KRT35: variants seen among roughly 807,000 people sequenced by gnomAD.
KRT35 encodes the protein keratin, type I cuticular Ha5.
In KRT35, 33 loss-of-function variants were observed where a neutral mutation model predicts 42.2. The observed-to-expected ratio is 0.78, with a 90% CI of 0.59 to 1.05. KRT35 has a LOEUF of 1.05. KRT35 is among the 50% of genes least tolerant of loss of function. The probability of loss-of-function intolerance (pLI) is 0.00; values close to 1 mark genes in which losing one functional copy is unlikely to be tolerated. For synonymous variants in KRT35, 218 were observed against 238.2 expected (o/e 0.92, Z 0.78); for missense variants, 585 against 589.2 (o/e 0.99, Z 0.07).
In KRT35 at chr17:41,479,356, G is replaced by A; in HGVS notation, c.702C>T (p.Asn234=). 6.2e-7 allele frequency: 1 copy of A among 1,613,346 alleles called. No individual in the cohort carries two copies. The highest frequency in any genetic ancestry group is 8.5e-7 in the Non-Finnish European group (1 of 1,179,900). Residue 234 remains asparagine, a synonymous_variant, in exon 3 of 7, where the codon AAC becomes AAT. Transcript: ENST00000246639. ...TTTCCCCCATGCTCACCTCCTCATG[G>A]TTCTTCTTCAGGCAGAGCAGCTCCT... ...LKEELLCLKK[N]HEEEVNSLRC...
intron 2 of KRT35, 48 bp downstream of exon 2, chr17:41,479,651 T>A (rs765734763): frequency 1.3e-6 from 2 of 1,583,878 alleles, no homozygotes; most frequent in Non-Finnish European, 1.7e-6. Flanking sequence ...GCATCACCTG[T>A]GTCCAGTTCT....
Position 41,481,002 on chromosome 17 carries a change from G to A in KRT35, c.96C>T (p.Tyr32=), listed in dbSNP as rs775323065. 2.9e-5 allele frequency: 46 copies of A among 1,613,908 alleles called. 1 individual carries two copies. In the Admixed American group the frequency reaches 7.7e-4, roughly 27 times the overall value. The change falls in exon 1 of 7, where the codon TAC becomes TAT. Residue 32 remains tyrosine, a synonymous_variant. Transcript: ENST00000246639. ...SGGSTRVSAM[Y]SSSSCKLPSL... is the part of the protein sequence containing the mutation. ...TTGGAAGCTTGCAAGAGCTGCTGGA[G>A]TACATTGCGGACACACGAGTGGAGC...
Position 41,479,421 on chromosome 17 carries a change from A to G in KRT35, c.637T>C (p.Cys213Arg). 1 of 1,614,058 alleles carries G rather than the reference A, an allele frequency of 6.2e-7. No individual in the cohort carries two copies. The highest frequency in any genetic ancestry group is 8.5e-7 in the Non-Finnish European group (1 of 1,180,006). The change falls in exon 3 of 7, where the codon TGC becomes CGC. Residue 213 changes from cysteine (C) to arginine (R), a missense_variant. By Grantham distance (180) the Cys-to-Arg change is radical (BLOSUM62 -3). Transcript: ENST00000246639. ...LRRILDDLTLCKSDLEAQVES... is the reference protein window; with the variant it reads ...LRRILDDLTLRKSDLEAQVES... ...ACCTGGGCCTCCAGGTCAGACTTGC[A>G]CAGGGTCAGGTCATCCAGGATCCTG...
intron 1 of KRT35, 82 bp from the exon 2 acceptor site, chr17:41,479,863 C>G (rs1359953040): frequency 8.5e-7 from 1 of 1,178,150 alleles, no homozygotes; most frequent in Non-Finnish European, 1.3e-6. Context: ...AGGGCTGACT[C>G]TGGAAGGAGG....
In KRT35 at chr17:41,479,731, A is replaced by G. The variant is rs1455786288; in HGVS notation, c.522T>C (p.Asn174=). The change falls in exon 2 of 7, where the codon AAT becomes AAC. Residue 174 remains asparagine, a synonymous_variant. Coordinates refer to ENST00000246639, the MANE Select transcript of KRT35 (RefSeq NM_002280.6). The stretch of plus-strand genomic sequence containing the variant: ...TGAAGTCATCTGCAGCCAATTTGGC[A>G]TTGTCAATCTCCACCACCAGCCTGG... ...ENARLVVEID[N]AKLAADDFRT... 4 of 1,614,164 alleles carry G rather than the reference A, an allele frequency of 2.5e-6. No homozygotes were observed. Among genetic ancestry groups the G allele is most frequent in the Middle Eastern group, 1.7e-4 (1 of 6,052 alleles).
In KRT35 at chr17:41,481,009, G is replaced by T. The variant is rs781757077; in HGVS notation, c.89C>A (p.Ala30Glu). The T allele has an allele frequency of 6.2e-7, 1 of 1,613,950 alleles. No individual in the cohort carries two copies. The highest frequency in any genetic ancestry group is 1.1e-5 in the South Asian group (1 of 91,088). Reference sequence around the variant, plus strand: ...CTTGCAAGAGCTGCTGGAGTACATTGCGGACACACGAGTGGAGCCCCCACT... The same window carrying T: ...CTTGCAAGAGCTGCTGGAGTACATTTCGGACACACGAGTGGAGCCCCCACT... ...GASGGSTRVSAMYSSSSCKLP... is the reference protein window; with the variant it reads ...GASGGSTRVSEMYSSSSCKLP... Residue 30 changes from alanine to glutamate, a missense_variant, in exon 1 of 7, where the codon GCA becomes GAA. Coordinates refer to ENST00000246639, the MANE Select transcript of KRT35 (RefSeq NM_002280.6).
Position 41,478,850 on chromosome 17 carries a change from T to C in KRT35, c.857A>G (p.Asp286Gly). The C allele has an allele frequency of 1.2e-6, 2 of 1,613,590 alleles. No homozygotes were observed. The highest frequency in any genetic ancestry group is 8.5e-7 in the Non-Finnish European group (1 of 1,179,692). Residue 286 changes from aspartate (D) to glycine (G), a missense_variant, in exon 4 of 7, where the codon GAC (aspartate) becomes GGC (glycine). By Grantham distance (94) the Asp-to-Gly change is moderately conservative. Transcript: ENST00000246639. ...GGTACCTACCTGGGTGTCCAACCAG[T>C]CTTCAGCATCCCGGCGGTTATTCTC... ...LVENNRRDAE[D>G]WLDTQSEELN... is the part of the protein sequence containing the mutation.
At chr17:41,480,174 C>T (rs2019233585) in intron 1 of KRT35, among the ~76,000 whole-genome samples, 2 of 152,186 alleles carry the variant, frequency 1.3e-5, no homozygotes, top group South Asian at 4.1e-4. Context: ...TAACTTTGGG[C>T]CAGGCGAGAA....
At position 41,478,981 on chromosome 17, in the gene KRT35, C is replaced by T; in HGVS notation, c.726G>A (p.Leu242=). The T allele has an allele frequency of 1.9e-6, 3 of 1,613,214 alleles. No homozygotes were observed. The highest frequency in any genetic ancestry group is 2.5e-6 in the Non-Finnish European group (3 of 1,179,474). The change falls in exon 4 of 7, where the codon CTG becomes CTA. Residue 242 remains leucine (L), a synonymous_variant. Coordinates refer to ENST00000246639, the MANE Select transcript of KRT35 (RefSeq NM_002280.6). ...KKNHEEEVNS[L]RCQLGDRLNV... is the part of the protein sequence containing the mutation. Reference sequence around the variant, plus strand: ...TGAGGCGGTCACCAAGTTGGCAGCGCAGTGAGTTCACTTCCTATAGCACAG... The same window carrying T: ...TGAGGCGGTCACCAAGTTGGCAGCGTAGTGAGTTCACTTCCTATAGCACAG...
At chr17:41,477,267 T>A in intron 6 of KRT35, 64 bp from the exon 7 acceptor site, 1 of 1,572,080 alleles carries the variant, frequency 6.4e-7, no homozygotes, top group Non-Finnish European at 8.7e-7. Flanking sequence ...TCAAAGTAGA[T>A]CCTAGACTAT....
At chr17:41,478,761 T>C in intron 4 of KRT35, 73 bp downstream of exon 4, 1 of 1,449,734 alleles carries the variant, frequency 6.9e-7, no homozygotes. Flanking sequence ...GATTTCTTGA[T>C]TCAGAGCCCC....
In KRT35 at chr17:41,480,730, G is replaced by A. The variant is rs1311953008; in HGVS notation, c.368C>T (p.Ala123Val). 8 of 1,614,088 alleles carry A rather than the reference G, an allele frequency of 5.0e-6. No individual in the cohort carries two copies. Among genetic ancestry groups the A allele is most frequent in the Non-Finnish European group, 6.8e-6 (8 of 1,180,048 alleles). ...CTCACGGATGCGGCTCTCCAGGCTG[G>A]CGTTCTCCTGCTCCAGCTGACGCAC... is the stretch of plus-strand genomic sequence containing the variant. ...EKVRQLEQENASLESRIREWC... is the reference protein window; with the variant it reads ...EKVRQLEQENVSLESRIREWC... The change falls in exon 1 of 7, where the codon GCC becomes GTC. Residue 123 changes from alanine (A) to valine (V), a missense_variant. Ala to Val is a moderately conservative substitution (Grantham distance 64). Coordinates refer to ENST00000246639, the MANE Select transcript of KRT35 (RefSeq NM_002280.6).
In KRT35 at chr17:41,479,913, G is replaced by A. The variant is rs1163208951; in HGVS notation, c.472-132C>T. 1.3e-5 allele frequency: 9 copies of A among 698,542 alleles called. No homozygotes were observed. The Admixed American group carries it at 2.1e-4, about 16-fold the overall frequency. The allele number at this position is 698,542 out of a possible 1,614,324, so 43.3% of individuals were successfully genotyped here. ...AGACCTCTGCTACTCCATGTGCATT[G>A]GAGTGTTATGGGCAGGCTCTAGGGA... On this transcript the variant is annotated intron_variant, in intron 1 of 6. Transcript: ENST00000246639.
intron 3 of KRT35, 44 bp downstream of exon 3, chr17:41,479,303 A>G: frequency 6.6e-7 from 1 of 1,520,510 alleles, no homozygotes; most frequent in Non-Finnish European, 8.9e-7. Context: ...CTCCTCCCCC[A>G]TGCTCACCTG....
In KRT35 at chr17:41,477,575, G is replaced by T. The variant is rs202043478; in HGVS notation, c.1163C>A (p.Ala388Asp). 270 of 1,613,622 alleles carry T rather than the reference G, an allele frequency of 1.7e-4. No homozygotes were observed. The highest frequency in any genetic ancestry group is 2.2e-4 in the Non-Finnish European group (256 of 1,179,902). The change falls in exon 6 of 7, where the codon GCC becomes GAC. Residue 388 changes from alanine to aspartate, a missense_variant. Ala to Asp is a moderately radical substitution (Grantham distance 126). Transcript: ENST00000246639. ...QEYQVLLDVR[A>D]RLECEINTYR... The stretch of plus-strand genomic sequence containing the variant: ...CGTGTTGATCTCACACTCCAGCCGG[G>T]CCCGGACGTCCAGCAGCACCTGGTA...
At position 41,480,840 on chromosome 17, in the gene KRT35, GC is replaced by G. The variant is rs755641537; in HGVS notation, c.257del (p.Gly86AlafsTer19). On this transcript the variant is annotated frameshift_variant, in exon 1 of 7. Coordinates refer to ENST00000246639, the MANE Select transcript of KRT35 (RefSeq NM_002280.6). LOFTEE classifies it high-confidence loss of function. ...CAGTGAGGATGCCCTCCCCAAACCA[GC>G]CCCCACCCCCACTGTAGCTGGTAGC... The part of the protein sequence containing the change: ...GFATSYSGGG[G>X]WFGEGILTGN... 29 of 1,613,640 alleles carry G rather than the reference GC, an allele frequency of 1.8e-5. No individual in the cohort carries two copies. The African/African-American group carries it at 2.1e-4, about 12-fold the overall frequency.
In KRT35 at chr17:41,477,168, G is replaced by A. The variant is rs2019183351; in HGVS notation, c.1256C>T (p.Pro419Leu). 1 of 1,613,706 alleles carries A rather than the reference G, an allele frequency of 6.2e-7. No individual in the cohort carries two copies. Among genetic ancestry groups the A allele is most frequent in the African/African-American group, 1.3e-5 (1 of 74,894 alleles). ...PCNPCAPDYS[P>L]SKSCLPCLPA... Reference sequence around the variant, plus strand: ...AAGACAGGGAAGGCATGACTTGGAGGGTGAGTAGTCAGGTGCACATGGGTT... The same window carrying A: ...AAGACAGGGAAGGCATGACTTGGAGAGTGAGTAGTCAGGTGCACATGGGTT... Residue 419 changes from proline to leucine, a missense_variant, in exon 7 of 7, where the codon CCC becomes CTC. Pro to Leu is a moderately conservative substitution (Grantham distance 98). Transcript: ENST00000246639.
Position 41,477,423 on chromosome 17 carries a change from A to G in KRT35, c.1220+95T>C, listed in dbSNP as rs2019188201. The G allele has an allele frequency of 1.8e-5, 28 of 1,523,522 alleles. No individual in the cohort carries two copies. In the South Asian group the frequency reaches 3.1e-4, roughly 17 times the overall value. 94.4% of individuals were successfully genotyped at this position (1,523,522 alleles called of 1,614,324 possible). A position where few individuals can be genotyped will look rare whatever the true frequency, so the allele number is the denominator to read the frequency against. Reference sequence around the variant, plus strand: ...CAGAACTAAGAGAACAGAACTCCAGACTCCGAATGCCAGGCTCTTTCTAGG... The same window carrying G: ...CAGAACTAAGAGAACAGAACTCCAGGCTCCGAATGCCAGGCTCTTTCTAGG... On this transcript the variant is annotated intron_variant, in intron 6 of 6. Coordinates refer to ENST00000246639, the MANE Select transcript of KRT35 (RefSeq NM_002280.6).
rs1233819617 is a variant in KRT35 at position 41,477,140 on chromosome 17, A to G, written c.1284T>C (p.Pro428=). Residue 428 remains proline, a synonymous_variant, in exon 7 of 7, where the codon CCT becomes CCC. Transcript: ENST00000246639. Reference sequence around the variant, plus strand: ...CTGCACTAGGACCGCAGGAGGCCGCAGGAAGACAGGGAAGGCATGACTTGG... The same window carrying G: ...CTGCACTAGGACCGCAGGAGGCCGCGGGAAGACAGGGAAGGCATGACTTGG... ...SPSKSCLPCL[P]AASCGPSAAR... 6.2e-7 allele frequency: 1 copy of G among 1,613,680 alleles called. No individual in the cohort carries two copies. The highest frequency in any genetic ancestry group is 1.1e-5 in the South Asian group (1 of 91,046).
Sources: gnomAD v4.1 joint callset for allele counts (sites outside exome capture counted in the v4.1 genomes callset) on GRCh38, gnomAD v4.1.1 for gene constraint, MANE v1.5 for transcripts, NCBI Gene and HGNC (gene_info 2026-07-23, HGNC 2026-07-21) for gene names.